The following PCSK1 variants were observed in gnomAD, a reference collection of about 807,000 sequenced individuals.
The protein encoded by PCSK1 is proprotein convertase subtilisin/kexin type 1, also known as neuroendocrine convertase 1.
A neutral mutation model predicts 90.6 loss-of-function variants in PCSK1; 56 were observed. That is an observed-to-expected ratio of 0.62 (90% CI 0.50 to 0.77). The LOEUF is 0.77. Ranked by LOEUF, PCSK1 falls within the 30% of genes least tolerant of loss-of-function variation. The pLI is 0.00. For missense variants in PCSK1, 801 were observed against 932.6 expected, an observed-to-expected ratio of 0.86 and a Z score of 1.84; for synonymous variants, 348 against 342.4, an observed-to-expected ratio of 1.02 and a Z score of -0.18.
intron 1 of PCSK1, among the ~76,000 whole-genome samples, chr5:96,431,836 C>T (rs1321857272): frequency 6.6e-6 from 1 of 152,142 alleles, no homozygotes; most frequent in Non-Finnish European, 1.5e-5. Flanking sequence ...TTTACAACTG[C>T]CTCCTCCCAC....
intron 11 of PCSK1, among the ~76,000 whole-genome samples, chr5:96,398,062 A>G (rs1159790159): frequency 1.3e-5 from 2 of 152,188 alleles, no homozygotes; most frequent in Non-Finnish European, 2.9e-5. Flanking sequence ...TCAATTGATA[A>G]TAGTTCTATG....
chr5:96,402,752 C>A (rs1429918353), intron 9 of PCSK1, among the ~76,000 whole-genome samples: 1 of 152,044 alleles, frequency 6.6e-6, no homozygotes, highest in East Asian at 1.9e-4. Flanking sequence ...ATAGGCTACT[C>A]CACACCTGAC....
At chr5:96,401,760 G>A (rs271925) in intron 9 of PCSK1, among the ~76,000 whole-genome samples, 43,706 of 151,914 alleles carry the variant, frequency 0.29, 7,376 homozygotes, top group Admixed American at 0.42. Flanking sequence ...TCTCTCCCTG[G>A]TTCTAATTTA....
At position 96,399,969 on chromosome 5, in the gene PCSK1, T is replaced by C. The variant is rs200969251; in HGVS notation, c.1414A>G (p.Asn472Asp). The change falls in exon 10 of 14, where the codon AAT becomes GAT. Residue 472 changes from asparagine (N) to aspartate (D), a missense_variant. Coordinates refer to ENST00000311106, the MANE Select transcript of PCSK1 (RefSeq NM_000439.5). ...PEKKECVVKD[N>D]DFEPRALKAN... is the part of the protein sequence containing the mutation. ...GATACTTACCTGGGCTCAAAGTCAT[T>C]GTCCTTTACAACACACTCTTTCTTC... is the stretch of plus-strand genomic sequence containing the variant. The C allele has an allele frequency of 3.8e-5, 62 of 1,613,428 alleles. No homozygotes were observed. In the South Asian group the frequency reaches 6.4e-4, roughly 17 times the overall value.
rs1760787208 is a variant in PCSK1 at position 96,412,465 on chromosome 5, C to A, written c.735G>T (p.Val245=). 1.2e-6 allele frequency: 2 copies of A among 1,614,010 alleles called. No homozygotes were observed. Among genetic ancestry groups the A allele is most frequent in the Non-Finnish European group, 1.7e-6 (2 of 1,180,008 alleles). Residue 245 remains valine, a synonymous_variant, in exon 7 of 14, where the codon GTG becomes GTT. Transcript: ENST00000311106. The stretch of plus-strand genomic sequence containing the variant: ...TTGAACTGGCCTCAATAGCATCCGT[C>A]ACAATGCCATCCAGCATTCTTATGC... ...VGGIRMLDGI[V]TDAIEASSIG...
chr5:96,421,729 G>A (rs1415175959), intron 5 of PCSK1, 151 bp downstream of exon 5: 5 of 659,238 alleles, frequency 7.6e-6, no homozygotes, highest in Non-Finnish European at 1.1e-5. Flanking sequence ...TTTGGTTTCT[G>A]TTTTAAAAGC....
intron 1 of PCSK1, among the ~76,000 whole-genome samples, chr5:96,431,462 A>G (rs538104355): frequency 1.2e-3 from 184 of 152,288 alleles, no homozygotes; most frequent in African/African-American, 4.3e-3. Context: ...TACACAAATT[A>G]CAATCAGTTG....
chr5:96,401,837 G>A (rs750910530), intron 9 of PCSK1, among the ~76,000 whole-genome samples: 1 of 152,096 alleles, frequency 6.6e-6, no homozygotes, highest in Non-Finnish European at 1.5e-5. Flanking sequence ...AAGAATGCTG[G>A]GCACAGGGTA....
Position 96,410,999 on chromosome 5 carries a change from C to G in PCSK1, c.883-13G>C, listed in dbSNP as rs773658256. On this transcript the variant is annotated splice_polypyrimidine_tract_variant and intron_variant, in intron 7 of 13. Coordinates refer to ENST00000311106, the MANE Select transcript of PCSK1 (RefSeq NM_000439.5). ...TCCCCTGTCTCCCCTAAAGGAAAAG[C>G]CAGAATGCATATTATCTGTTATCAT... is the stretch of plus-strand genomic sequence containing the variant. 1.3e-6 allele frequency: 2 copies of G among 1,582,656 alleles called. No homozygotes were observed. The highest frequency in any genetic ancestry group is 2.2e-5 in the East Asian group (1 of 44,726).
intron 3 of PCSK1, 135 bp from the exon 4 acceptor site, chr5:96,423,594 T>A: frequency 2.5e-6 from 2 of 795,050 alleles, no homozygotes; most frequent in Non-Finnish European, 4.3e-6. Context: ...GCCAATTCAG[T>A]GAAATGAGAA....
rs780863842 is a variant in PCSK1, at chr5:96,410,808, G to C, written c.1061C>G (p.Ser354Cys). Residue 354 changes from serine to cysteine, a missense_variant, in exon 8 of 14, where the codon TCT becomes TGT. Ser to Cys is a moderately radical substitution (Grantham distance 112). Coordinates refer to ENST00000311106, the MANE Select transcript of PCSK1 (RefSeq NM_000439.5). ...GTCGGTGTAATCTCCGCTGCTGTAA[G>C]AGGTGGCCAGTGTGGAGGAGCACTT... ...AEKCSSTLAT[S>C]YSSGDYTDQR... The C allele has an allele frequency of 3.7e-6, 6 of 1,614,020 alleles. No individual in the cohort carries two copies. Among genetic ancestry groups the C allele is most frequent in the Non-Finnish European group, 5.1e-6 (6 of 1,179,984 alleles).
chr5:96,393,270 G>C lies in PCSK1; in HGVS notation c.1993C>G (p.Gln665Glu), dbSNP rs6234. 0.27 allele frequency: 428,257 copies of C among 1,613,634 alleles called. 57,709 individuals carry two copies. The highest frequency in any genetic ancestry group is 0.31 in the South Asian group (27,820 of 91,054). Residue 665 changes from glutamine (Q) to glutamate (E), a missense_variant, in exon 14 of 14, where the codon CAG becomes GAG. Coordinates refer to ENST00000311106, the MANE Select transcript of PCSK1 (RefSeq NM_000439.5). ...RDELEEGAPSQAMLRLLQSAF... is the reference protein window; with the variant it reads ...RDELEEGAPSEAMLRLLQSAF... ...CTTTGCAGGAGTCGCAGCATGGCCTGGGAAGGGGCTCCCTCCTCCAACTCA... is the reference window on the plus strand; with the variant it reads ...CTTTGCAGGAGTCGCAGCATGGCCTCGGAAGGGGCTCCCTCCTCCAACTCA...
chr5:96,400,133 T>C lies in PCSK1; in HGVS notation c.1250A>G (p.Tyr417Cys). 6.2e-7 allele frequency: 1 copy of C among 1,614,190 alleles called. No individual in the cohort carries two copies. Among genetic ancestry groups the C allele is most frequent in the Non-Finnish European group, 8.5e-7 (1 of 1,180,010 alleles). The change falls in exon 10 of 14, where the codon TAT becomes TGT. Residue 417 changes from tyrosine to cysteine, a missense_variant. Transcript: ENST00000311106. ...TCCAGGGTTATTGGCCAGCGGGTCA[T>C]ACTCAGAGGTCCAGACAACCAGGTG... is the stretch of plus-strand genomic sequence containing the variant. ...MQHLVVWTSE[Y>C]DPLANNPGWK...
chr5:96,406,325 GATGCC>G (rs1370534463), intron 9 of PCSK1, among the ~76,000 whole-genome samples: 3 of 152,154 alleles, frequency 2.0e-5, no homozygotes, highest in African/African-American at 7.2e-5. Context: ...TGGATCTGCT[GATGCC>G]AGTCTCAGCT....
At chr5:96,403,992 A>T (rs572764093) in intron 9 of PCSK1, among the ~76,000 whole-genome samples, 1 of 152,230 alleles carries the variant, frequency 6.6e-6, no homozygotes, top group African/African-American at 2.4e-5. Flanking sequence ...CTCACCTATT[A>T]AAAATTATTC....
chr5:96,424,813 A>G (rs895807126), intron 3 of PCSK1, among the ~76,000 whole-genome samples: 5 of 151,922 alleles, frequency 3.3e-5, no homozygotes, highest in Non-Finnish European at 5.9e-5. Flanking sequence ...AAATACAAAA[A>G]TTAGCTGGGC....
chr5:96,421,348 C>G (rs1761122918), intron 5 of PCSK1, among the ~76,000 whole-genome samples: 1 of 152,064 alleles, frequency 6.6e-6, no homozygotes, highest in Non-Finnish European at 1.5e-5. Context: ...CCGGCTGGCT[C>G]AATGCCCTGG....
intron 12 of PCSK1, among the ~76,000 whole-genome samples, chr5:96,396,218 T>C (rs1415627544): frequency 6.6e-6 from 1 of 152,160 alleles, no homozygotes; most frequent in Admixed American, 6.5e-5. Context: ...CTATAGAATT[T>C]GTATTAATTT....
At position 96,398,992 on chromosome 5, in the gene PCSK1, CTTG is replaced by C. The variant is rs753959595; in HGVS notation, c.1472_1474del (p.Thr491del). ...AGCATTTTCTTGTCCTTCACAAGCTCTTGTTGGAATTTCAATGATAACTTCTCC... is the reference window on the plus strand; with the variant it reads ...AGCATTTTCTTGTCCTTCACAAGCTCTTGGAATTTCAATGATAACTTCTCC... On this transcript the variant is annotated inframe_deletion, in exon 11 of 14. Coordinates refer to ENST00000311106, the MANE Select transcript of PCSK1 (RefSeq NM_000439.5). 1 of 1,612,766 alleles carries C rather than the reference CTTG, an allele frequency of 6.2e-7. No homozygotes were observed. The highest frequency in any genetic ancestry group is 2.2e-5 in the East Asian group (1 of 44,828).
Sources: gnomAD v4.1 joint callset for allele counts (sites outside exome capture counted in the v4.1 genomes callset) on GRCh38, gnomAD v4.1.1 for gene constraint, MANE v1.5 for transcripts, NCBI Gene and HGNC (gene_info 2026-07-23, HGNC 2026-07-21) for gene names.